IMMP2L: variants seen among roughly 807,000 people sequenced by gnomAD.
IMMP2L encodes inner mitochondrial membrane peptidase subunit 2.
IMMP2L carries 18 observed loss-of-function variants against 19.3 expected under a neutral mutation model. The observed-to-expected ratio is 0.93, with a 90% confidence interval of 0.64 to 1.38. IMMP2L has a LOEUF of 1.38. IMMP2L is among the 40% of genes most tolerant of loss of function. The pLI is 0.00. For synonymous variants in IMMP2L, 76 were observed against 73.0 expected, an observed-to-expected ratio of 1.04 and a Z score of -0.21; for missense variants, 233 against 218.2, an observed-to-expected ratio of 1.07 and a Z score of -0.43.
At chr7:111,179,506 A>T (rs4730482) in intron 3 of IMMP2L, among the ~76,000 whole-genome samples, 118,905 of 151,886 alleles carry the variant, frequency 0.78, 47,429 homozygotes, top group East Asian at 0.86. Context: ...TATGAAGAGA[A>T]GTGCTGTCAT....
At chr7:110,915,584 A>T (rs1322592279) in intron 4 of IMMP2L, among the ~76,000 whole-genome samples, 1 of 152,188 alleles carries the variant, frequency 6.6e-6, no homozygotes, top group Non-Finnish European at 1.5e-5. Flanking sequence ...TGCTTACTTG[A>T]AACTTATCCA....
chr7:110,946,834 C>T (rs1375277704), intron 4 of IMMP2L, among the ~76,000 whole-genome samples: 3 of 151,244 alleles, frequency 2.0e-5, no homozygotes, highest in East Asian at 3.9e-4. Context: ...CATTCTCCTG[C>T]CTCAGCCTCC....
intron 1 of IMMP2L, among the ~76,000 whole-genome samples, chr7:111,523,769 T>C (rs1190125486): frequency 1.3e-5 from 2 of 152,130 alleles, no homozygotes; most frequent in African/African-American, 2.4e-5. Flanking sequence ...TTCACACATC[T>C]GGTACTCAAG....
chr7:111,496,020 G>A (rs1230608664), intron 2 of IMMP2L, among the ~76,000 whole-genome samples: 1 of 152,144 alleles, frequency 6.6e-6, no homozygotes, highest in East Asian at 1.9e-4. Flanking sequence ...GGAGGCGGGG[G>A]CAATAACAGA....
intron 3 of IMMP2L, among the ~76,000 whole-genome samples, chr7:111,275,586 C>T (rs1818936984): frequency 2.0e-5 from 3 of 152,114 alleles, no homozygotes; most frequent in Admixed American, 1.3e-4. Flanking sequence ...ATGAGTTATT[C>T]ACAAGGTAAC....
chr7:110,989,989 A>G (rs1260576979), intron 3 of IMMP2L, among the ~76,000 whole-genome samples: 4 of 152,144 alleles, frequency 2.6e-5, no homozygotes, highest in Non-Finnish European at 5.9e-5. Context: ...TGATTGATGC[A>G]TCAGGAATTA....
At chr7:111,273,285 A>T (rs533591195) in intron 3 of IMMP2L, among the ~76,000 whole-genome samples, 101 of 152,102 alleles carry the variant, frequency 6.6e-4, no homozygotes, top group East Asian at 1.2e-3. Context: ...TCAAAAAAAA[A>T]ATATATACAT....
At chr7:111,326,505 G>T (rs944000599) in intron 3 of IMMP2L, among the ~76,000 whole-genome samples, 3 of 151,722 alleles carry the variant, frequency 2.0e-5, no homozygotes, top group Non-Finnish European at 2.9e-5. Flanking sequence ...TTCTTCAGCT[G>T]CTAACATATT....
At chr7:111,337,715 G>C (rs533305540) in intron 3 of IMMP2L, among the ~76,000 whole-genome samples, 3 of 152,006 alleles carry the variant, frequency 2.0e-5, no homozygotes, top group African/African-American at 4.8e-5. Flanking sequence ...ACAAATAAAT[G>C]AATCAACCAT....
At chr7:111,483,083 T>C (rs1188710203) in intron 3 of IMMP2L, among the ~76,000 whole-genome samples, 2 of 152,196 alleles carry the variant, frequency 1.3e-5, no homozygotes, top group Admixed American at 6.5e-5. Flanking sequence ...TTAGATCTAA[T>C]AATATTCTAC....
chr7:111,305,865 T>G (rs1014156354), intron 3 of IMMP2L, among the ~76,000 whole-genome samples: 3 of 152,312 alleles, frequency 2.0e-5, no homozygotes, highest in African/African-American at 7.2e-5. Flanking sequence ...TGCATTGCTT[T>G]ACACAAAAAG....
At chr7:110,781,740 C>A (rs1011468021) in intron 5 of IMMP2L, among the ~76,000 whole-genome samples, 2 of 151,714 alleles carry the variant, frequency 1.3e-5, no homozygotes, top group African/African-American at 4.8e-5. Flanking sequence ...AAACTATTAA[C>A]AACAGACTGT....
chr7:111,323,351 A>T (rs1824952691), intron 3 of IMMP2L, among the ~76,000 whole-genome samples: 1 of 152,126 alleles, frequency 6.6e-6, no homozygotes, highest in African/African-American at 2.4e-5. Flanking sequence ...GACACTTCTC[A>T]AAAGAAGTCA....
intron 3 of IMMP2L, among the ~76,000 whole-genome samples, chr7:111,176,605 A>G (rs1159308310): frequency 6.6e-6 from 1 of 152,014 alleles, no homozygotes; most frequent in Non-Finnish European, 1.5e-5. Flanking sequence ...GAGAAGAATG[A>G]TGGTTATCAG....
intron 5 of IMMP2L, among the ~76,000 whole-genome samples, chr7:110,691,875 A>T (rs1378989291): frequency 6.6e-6 from 1 of 152,206 alleles, no homozygotes; most frequent in Non-Finnish European, 1.5e-5. Flanking sequence ...AATTAGTGCA[A>T]CCTCTGTGGA....
At chr7:110,896,922 C>T (rs1302549818) in intron 4 of IMMP2L, among the ~76,000 whole-genome samples, 4 of 151,940 alleles carry the variant, frequency 2.6e-5, no homozygotes, top group Non-Finnish European at 5.9e-5. Context: ...GCATAATTTT[C>T]CCACCTCAGC....
intron 5 of IMMP2L, among the ~76,000 whole-genome samples, chr7:110,823,259 T>C (rs1803195645): frequency 6.6e-6 from 1 of 152,068 alleles, no homozygotes; most frequent in Admixed American, 6.6e-5. Flanking sequence ...ATTTCTGTTC[T>C]TCCAGAAAGG....
intron 3 of IMMP2L, among the ~76,000 whole-genome samples, chr7:111,158,414 G>A (rs1804883449): frequency 1.3e-5 from 2 of 152,042 alleles, no homozygotes; most frequent in East Asian, 1.9e-4. Flanking sequence ...ATCCATTATA[G>A]CACTTGCAAC....
intron 5 of IMMP2L, among the ~76,000 whole-genome samples, chr7:110,813,339 G>A (rs1478101283): frequency 3.3e-5 from 5 of 151,676 alleles, no homozygotes; most frequent in Admixed American, 2.6e-4. Context: ...TTACCATTTT[G>A]CAACATTACT....
Sources: gnomAD v4.1 joint callset for allele counts (sites outside exome capture counted in the v4.1 genomes callset) on GRCh38, gnomAD v4.1.1 for gene constraint, MANE v1.5 for transcripts, NCBI Gene and HGNC (gene_info 2026-07-23, HGNC 2026-07-21) for gene names.